PLCB1: variants seen among roughly 807,000 people sequenced by gnomAD.
PLCB1 encodes the protein 1-phosphatidylinositol 4,5-bisphosphate phosphodiesterase beta-1.
PLCB1 carries 46 observed loss-of-function variants against 161.8 expected under a neutral mutation model. The observed-to-expected ratio is 0.28, with a 90% CI of 0.22 to 0.36. PLCB1 has a LOEUF of 0.36. PLCB1 is among the 10% of genes least tolerant of loss of function. The pLI is 1.00. For missense variants in PLCB1, 1,016 were observed against 1,472.5 expected, an observed-to-expected ratio of 0.69 and a Z score of 5.07; for synonymous variants, 517 against 503.7, an observed-to-expected ratio of 1.03 and a Z score of -0.35.
At chr20:8,151,106 C>A (rs758485247) in intron 2 of PLCB1, among the ~76,000 whole-genome samples, 1 of 152,140 alleles carries the variant, frequency 6.6e-6, no homozygotes, top group Non-Finnish European at 1.5e-5. Context: ...TACACTTGAA[C>A]CTCAGAGGCC....
At chr20:8,181,975 G>T (rs2051848729) in intron 2 of PLCB1, among the ~76,000 whole-genome samples, 1 of 151,836 alleles carries the variant, frequency 6.6e-6, no homozygotes, top group Non-Finnish European at 1.5e-5. Context: ...TGTCTAAAAA[G>T]AAACAAAAAA....
chr20:8,792,621 T>C (rs1194055405), intron 31 of PLCB1: 5 of 471,254 alleles, frequency 1.1e-5, no homozygotes, highest in African/African-American at 1.0e-4. Context: ...TTTTCTTCCA[T>C]GAGGTTGCTC....
At chr20:8,231,960 C>A (rs1980063922) in intron 2 of PLCB1, among the ~76,000 whole-genome samples, 1 of 152,108 alleles carries the variant, frequency 6.6e-6, no homozygotes, top group Admixed American at 6.6e-5. Context: ...TTTTATATAG[C>A]TTTTAGCTAT....
At chr20:8,371,272 G>A in intron 2 of PLCB1, 110 bp from the exon 3 acceptor site, 1 of 664,908 alleles carries the variant, frequency 1.5e-6, no homozygotes, top group Non-Finnish European at 2.7e-6. Flanking sequence ...CAACTGCAGA[G>A]AAGTCTTCAG....
chr20:8,533,453 T>C (rs1043524661), intron 3 of PLCB1, among the ~76,000 whole-genome samples: 158 of 152,204 alleles, frequency 1.0e-3, no homozygotes, highest in Non-Finnish European at 1.9e-3. Context: ...ACTTCCACAA[T>C]GGTTGAACTA....
In PLCB1 at chr20:8,241,759, C is replaced by G. The variant is rs560676732; in HGVS notation, c.177+91388C>G. The stretch of plus-strand genomic sequence containing the variant: ...TAGCTTTCCCTACTTCTTTCTACCA[C>G]CCTTCCTCCCACCTCAGTAGAAATC... On this transcript the variant is annotated intron_variant, in intron 2 of 31. Coordinates refer to ENST00000338037, the MANE Select transcript of PLCB1 (RefSeq NM_015192.4). 3.7e-4 allele frequency among the ~76,000 whole-genome samples: 56 copies of G among 152,068 alleles called. No homozygotes were observed. The South Asian group carries it at 0.011, about 29-fold the overall frequency.
At chr20:8,391,817 A>ATGTG (rs1987610504) in intron 3 of PLCB1, among the ~76,000 whole-genome samples, 1 of 142,642 alleles carries the variant, frequency 7.0e-6, no homozygotes, top group Non-Finnish European at 1.5e-5. Context: ...ATATATATAT[A>ATGTG]TATATATACA....
At chr20:8,845,844 C>T (rs1314899977) in intron 31 of PLCB1, among the ~76,000 whole-genome samples, 1 of 152,120 alleles carries the variant, frequency 6.6e-6, no homozygotes, top group Non-Finnish European at 1.5e-5. Context: ...TTACATTCAA[C>T]AGTTATATAA....
rs773100834 is a variant in PLCB1 at position 8,658,658 on chromosome 20, A to C, written c.816A>C (p.Gln272His). 2 of 1,612,466 alleles carry C rather than the reference A, an allele frequency of 1.2e-6. No individual in the cohort carries two copies. Among genetic ancestry groups the C allele is most frequent in the Admixed American group, 1.7e-5 (1 of 59,752 alleles). ...CACCTCTAAAACAAGAGCAAGTCCA[A>C]GTATTGATTGAGAAGTATGAACCCA... is the stretch of plus-strand genomic sequence containing the variant. ...LYPPLKQEQV[Q>H]VLIEKYEPNN... The change falls in exon 9 of 32, where the codon CAA becomes CAC. Residue 272 changes from glutamine (Q) to histidine (H), a missense_variant. This residue lies in a region of PLCB1 where 117 missense variants were observed against 142.2 expected (regional missense o/e 0.82). Coordinates refer to ENST00000338037, the MANE Select transcript of PLCB1 (RefSeq NM_015192.4).
At chr20:8,543,683 A>G (rs1023296641) in intron 3 of PLCB1, among the ~76,000 whole-genome samples, 9 of 143,326 alleles carry the variant, frequency 6.3e-5, no homozygotes, top group African/African-American at 2.3e-4. Context: ...CACCCAAATC[A>G]TCTTGAATTG....
At chr20:8,207,590 T>C (rs1978600067) in intron 2 of PLCB1, among the ~76,000 whole-genome samples, 1 of 152,072 alleles carries the variant, frequency 6.6e-6, no homozygotes, top group African/African-American at 2.4e-5. Context: ...GCTTTTTTAA[T>C]TTTTTTAAGA....
intron 2 of PLCB1, among the ~76,000 whole-genome samples, chr20:8,358,286 T>C (rs1986426720): frequency 6.6e-6 from 1 of 152,198 alleles, no homozygotes; most frequent in Non-Finnish European, 1.5e-5. Flanking sequence ...TCTCACTCTG[T>C]CGCCCAGGCT....
intron 2 of PLCB1, among the ~76,000 whole-genome samples, chr20:8,295,688 G>GTC (rs1375529434): frequency 1.1e-4 from 17 of 151,810 alleles, no homozygotes; most frequent in African/African-American, 3.9e-4. Flanking sequence ...TTGGCATTTA[G>GTC]TCTCTCTCTA....
intron 3 of PLCB1, among the ~76,000 whole-genome samples, chr20:8,524,250 A>G (rs961903849): frequency 6.6e-6 from 1 of 152,146 alleles, no homozygotes; most frequent in Non-Finnish European, 1.5e-5. Flanking sequence ...AAATACACCC[A>G]TATGGCTTTA....
chr20:8,404,322 G>A (rs1978694259), intron 3 of PLCB1, among the ~76,000 whole-genome samples: 1 of 151,990 alleles, frequency 6.6e-6, no homozygotes, highest in Admixed American at 6.6e-5. Flanking sequence ...AAAACATTTG[G>A]GATCACAAAA....
Position 8,834,823 on chromosome 20 carries a change from A to C in PLCB1, c.3423+44562A>C, listed in dbSNP as rs1036698344. On this transcript the variant is annotated intron_variant, in intron 31 of 31. Coordinates refer to ENST00000338037, the MANE Select transcript of PLCB1 (RefSeq NM_015192.4). Reference sequence around the variant, plus strand: ...GACTCTGCCTCAGAAAAAAAAAAAAAAAAAAAAAAAAAAACCACAGGCTGC... The same window carrying C: ...GACTCTGCCTCAGAAAAAAAAAAAACAAAAAAAAAAAAAACCACAGGCTGC... 4.1e-4 allele frequency among the ~76,000 whole-genome samples: 61 copies of C among 147,910 alleles called. No homozygotes were observed. In the East Asian group the frequency reaches 0.011, roughly 27 times the overall value.
At chr20:8,146,633 T>C (rs2051457088) in intron 1 of PLCB1, among the ~76,000 whole-genome samples, 1 of 152,224 alleles carries the variant, frequency 6.6e-6, no homozygotes, top group Non-Finnish European at 1.5e-5. Flanking sequence ...CATTGTAATG[T>C]TAATGTTGAT....
intron 3 of PLCB1, among the ~76,000 whole-genome samples, chr20:8,455,806 A>C (rs1303631447): frequency 6.6e-6 from 1 of 151,810 alleles, no homozygotes; most frequent in African/African-American, 2.4e-5. Flanking sequence ...TTTTGTAGCC[A>C]CTCACTCCCC....
intron 9 of PLCB1, among the ~76,000 whole-genome samples, chr20:8,663,253 G>A (rs1989730803): frequency 6.6e-6 from 1 of 151,440 alleles, no homozygotes; most frequent in Non-Finnish European, 1.5e-5. Context: ...CATACACAGA[G>A]ACACACACAC....
Sources: allele counts gnomAD v4.1 joint callset (sites outside exome capture counted in the v4.1 genomes callset), GRCh38; gene constraint gnomAD v4.1.1; regional missense constraint gnomAD v4.1.1; transcripts MANE v1.5; gene names NCBI Gene and HGNC (gene_info 2026-07-23, HGNC 2026-07-21).